The following NAALADL2 variants were observed in gnomAD, a reference collection of about 807,000 sequenced individuals.
NAALADL2 encodes the protein N-acetylated alpha-linked acidic dipeptidase like 2.
A neutral mutation model predicts 87.2 loss-of-function variants in NAALADL2; 76 were observed. That is an observed-to-expected ratio of 0.87 (90% CI 0.72 to 1.05). NAALADL2 has a LOEUF of 1.05. Ranked by LOEUF, NAALADL2 falls within the 50% of genes least tolerant of loss-of-function variation. The pLI is 0.00. For synonymous variants in NAALADL2, 354 were observed against 331.0 expected (o/e 1.07, Z -0.75); for missense variants, 1,089 against 945.8 (o/e 1.15, Z -1.99).
chr3:175,165,645 A>G (rs1030645723), intron 2 of NAALADL2, among the ~76,000 whole-genome samples: 7 of 152,154 alleles, frequency 4.6e-5, no homozygotes, highest in African/African-American at 1.7e-4. Context: ...CTGTAAATTA[A>G]TTAACTTAGT....
At chr3:175,160,553 T>A (rs2108838751) in intron 2 of NAALADL2, among the ~76,000 whole-genome samples, 1 of 151,902 alleles carries the variant, frequency 6.6e-6, no homozygotes, top group East Asian at 1.9e-4. Context: ...GGTTTCTCCA[T>A]ACTGGTCAGG....
chr3:175,454,905 AC>A (rs1722098726), intron 6 of NAALADL2, among the ~76,000 whole-genome samples: 1 of 152,110 alleles, frequency 6.6e-6, no homozygotes, highest in Non-Finnish European at 1.5e-5. Flanking sequence ...AAAAGAATAC[AC>A]TAAAAAATGT....
intron 5 of NAALADL2, among the ~76,000 whole-genome samples, chr3:175,327,214 G>A (rs972891386): frequency 6.9e-6 from 1 of 145,498 alleles, no homozygotes; most frequent in Non-Finnish European, 1.5e-5. Context: ...GGAGTGCAGC[G>A]GCACAATCTG....
chr3:175,626,716 C>T (rs1727032227), intron 10 of NAALADL2, among the ~76,000 whole-genome samples: 1 of 151,850 alleles, frequency 6.6e-6, no homozygotes, highest in Non-Finnish European at 1.5e-5. Flanking sequence ...ACTTTTCTGA[C>T]AATTCCATCT....
intron 1 of NAALADL2, among the ~76,000 whole-genome samples, chr3:174,993,891 C>A (rs1747074458): frequency 1.3e-5 from 2 of 152,264 alleles, no homozygotes; most frequent in African/African-American, 4.8e-5. Flanking sequence ...GTGTTACCTG[C>A]AATCCGTGGC....
intron 4 of NAALADL2, among the ~76,000 whole-genome samples, chr3:175,269,642 G>A (rs192330568): frequency 3.1e-4 from 47 of 152,302 alleles, no homozygotes; most frequent in Admixed American, 3.1e-3. Context: ...AAAAATTCCT[G>A]TATAAGTAGG....
chr3:174,749,523 A>C (rs192703935), intron 3 of NAALADL2, among the ~76,000 whole-genome samples: 1 of 152,110 alleles, frequency 6.6e-6, no homozygotes, highest in Admixed American at 6.5e-5. Flanking sequence ...AAAACAGCAA[A>C]AAAGTGGATA....
At chr3:175,502,975 G>C (rs1313527686) in intron 9 of NAALADL2, among the ~76,000 whole-genome samples, 4 of 149,020 alleles carry the variant, frequency 2.7e-5, no homozygotes, top group Non-Finnish European at 5.9e-5. Flanking sequence ...TATATAGGTT[G>C]TTTTATGAGT....
chr3:174,783,564 G>A (rs995194367), intron 3 of NAALADL2, among the ~76,000 whole-genome samples: 2 of 152,082 alleles, frequency 1.3e-5, no homozygotes, highest in Non-Finnish European at 2.9e-5. Context: ...TTGTCAATTT[G>A]TAGGCCAAAT....
At chr3:174,726,291 A>G (rs1030977202) in intron 2 of NAALADL2, among the ~76,000 whole-genome samples, 4 of 152,146 alleles carry the variant, frequency 2.6e-5, no homozygotes, top group African/African-American at 9.7e-5. Context: ...TGCCCAATCT[A>G]TTGGCACATC....
At chr3:175,071,213 C>G (rs926636604) in intron 1 of NAALADL2, among the ~76,000 whole-genome samples, 1 of 152,098 alleles carries the variant, frequency 6.6e-6, no homozygotes, top group Non-Finnish European at 1.5e-5. Flanking sequence ...CCAATTAATG[C>G]CACAAAGCGT....
intron 2 of NAALADL2, among the ~76,000 whole-genome samples, chr3:174,578,387 A>G (rs895725070): frequency 2.0e-5 from 3 of 151,992 alleles, no homozygotes; most frequent in African/African-American, 7.2e-5. Flanking sequence ...TCATTACATT[A>G]TATATAGAGA....
At chr3:175,763,838 A>G (rs1479303250) in intron 13 of NAALADL2, among the ~76,000 whole-genome samples, 1 of 152,136 alleles carries the variant, frequency 6.6e-6, no homozygotes, top group African/African-American at 2.4e-5. Flanking sequence ...TCTAACACAC[A>G]CACACAAAGA....
At chr3:175,341,802 T>C (rs1357877859) in intron 5 of NAALADL2, among the ~76,000 whole-genome samples, 1 of 152,142 alleles carries the variant, frequency 6.6e-6, no homozygotes, top group Admixed American at 6.6e-5. Flanking sequence ...AAGAGTTTTG[T>C]AGTTTTAGCT....
At position 175,351,658 on chromosome 3, in the gene NAALADL2, A is replaced by G. The variant is rs138574469; in HGVS notation, c.1090+27333A>G. Among the ~76,000 whole-genome samples, 336 of 152,274 alleles carry G rather than the reference A, an allele frequency of 2.2e-3. 3 individuals carry two copies. Among genetic ancestry groups the G allele is most frequent in the African/African-American group, 7.1e-3 (296 of 41,562 alleles). ...GGCAGGAAAGCTGGTGAATTTGCGT[A>G]CGTGTGGCAATCAGTAGGTCACAAC... On this transcript the variant is annotated intron_variant, in intron 5 of 13. Transcript: ENST00000454872.
intron 9 of NAALADL2, among the ~76,000 whole-genome samples, chr3:175,570,751 G>T (rs111326864): frequency 0.12 from 18,543 of 151,750 alleles, 1,267 homozygotes; most frequent in Middle Eastern, 0.17. Context: ...GTGGTGGCGG[G>T]CGCCTGTAGT....
chr3:175,092,279 C>T (rs1356369769), intron 1 of NAALADL2, among the ~76,000 whole-genome samples: 1 of 150,104 alleles, frequency 6.7e-6, no homozygotes, highest in Non-Finnish European at 1.5e-5. Context: ...GCTTAAATTA[C>T]ATAGCAAAGC....
intron 11 of NAALADL2, among the ~76,000 whole-genome samples, chr3:175,633,591 C>T (rs1194187607): frequency 6.6e-6 from 1 of 151,844 alleles, no homozygotes; most frequent in Non-Finnish European, 1.5e-5. Flanking sequence ...ATATAAAAAT[C>T]TCTGAATATG....
intron 1 of NAALADL2, among the ~76,000 whole-genome samples, chr3:175,035,172 A>G (rs544646721): frequency 5.1e-4 from 77 of 152,282 alleles, no homozygotes; most frequent in African/African-American, 1.9e-3. Context: ...TACATTCTGC[A>G]TGACCTATGC....
Sources: gnomAD v4.1 joint callset for allele counts (sites outside exome capture counted in the v4.1 genomes callset) on GRCh38, gnomAD v4.1.1 for gene constraint, MANE v1.5 for transcripts, NCBI Gene and HGNC (gene_info 2026-07-23, HGNC 2026-07-21) for gene names.